Variants in DCAKD observed in about 807,000 individuals in gnomAD.
DCAKD encodes the protein dephospho-CoA kinase domain-containing protein.
Under a neutral mutation model 18.7 loss-of-function variants are expected in DCAKD, and 15 were observed. The observed-to-expected ratio is 0.80, with a 90% confidence interval of 0.54 to 1.24. The LOEUF (loss-of-function observed/expected upper bound fraction) is 1.24, where lower values mean the gene tolerates loss of function less well. Among genes scored for constraint, DCAKD ranks in the 50% most tolerant of loss-of-function variants. DCAKD has a pLI of 0.00. For missense variants in DCAKD, 301 were observed against 322.0 expected, an observed-to-expected ratio of 0.93 and a Z score of 0.50; for synonymous variants, 130 against 133.0, an observed-to-expected ratio of 0.98 and a Z score of 0.16.
At chr17:45,046,419 C>T (rs991650714) in intron 1 of DCAKD, among the ~76,000 whole-genome samples, 2 of 152,004 alleles carry the variant, frequency 1.3e-5, no homozygotes, top group Non-Finnish European at 2.9e-5. Context: ...AATTTGAGAC[C>T]AGCCTGGCCA....
At chr17:45,043,880 A>T (rs1175083256) in intron 1 of DCAKD, among the ~76,000 whole-genome samples, 1 of 151,702 alleles carries the variant, frequency 6.6e-6, no homozygotes, top group Non-Finnish European at 1.5e-5. Flanking sequence ...CACACCCTCC[A>T]TCCAACCCGC....
chr17:45,034,680 TC>T, intron 2 of DCAKD, 93 bp downstream of exon 2: 2 of 1,347,180 alleles, frequency 1.5e-6, no homozygotes, highest in Non-Finnish European at 2.1e-6. Context: ...AGCCTTCCCC[TC>T]CTCTGAGACT....
upstream of DCAKD, among the ~76,000 whole-genome samples, chr17:45,053,660 T>C (rs970768239): frequency 6.6e-6 from 1 of 152,200 alleles, no homozygotes; most frequent in African/African-American, 2.4e-5. Flanking sequence ...ACCTAGGTGA[T>C]CCACCCACCT....
chr17:45,053,417 C>T (rs561198247), upstream of DCAKD, among the ~76,000 whole-genome samples: 5 of 148,788 alleles, frequency 3.4e-5, no homozygotes, highest in African/African-American at 1.2e-4. Flanking sequence ...GCCACCACAT[C>T]CAGCTAATTT....
At chr17:45,027,281 A>G (rs1169531822) in intron 4 of DCAKD, among the ~76,000 whole-genome samples, 1 of 152,244 alleles carries the variant, frequency 6.6e-6, no homozygotes. Context: ...TTGAGGCTAT[A>G]GTTAGCTGTG....
At chr17:45,024,877 C>G (rs1022753397) in intron 4 of DCAKD, among the ~76,000 whole-genome samples, 153 bp from the exon 5 acceptor site, 2 of 152,170 alleles carry the variant, frequency 1.3e-5, no homozygotes, top group Non-Finnish European at 2.9e-5. Context: ...CTTAGGGTCC[C>G]ACAGCCAGGG....
intron 4 of DCAKD, among the ~76,000 whole-genome samples, chr17:45,028,106 T>A (rs1342684977): frequency 6.6e-6 from 1 of 150,916 alleles, no homozygotes; most frequent in Non-Finnish European, 1.5e-5. Flanking sequence ...ATCTACACTC[T>A]AAGATCCTTT....
At chr17:45,048,701 G>A (rs1261442641) in intron 1 of DCAKD, among the ~76,000 whole-genome samples, 1 of 151,970 alleles carries the variant, frequency 6.6e-6, no homozygotes, top group African/African-American at 2.4e-5. Flanking sequence ...AGCTACTCAG[G>A]AGGCTGAGGC....
chr17:45,037,803 G>T (rs1371165740), intron 1 of DCAKD, among the ~76,000 whole-genome samples: 2 of 137,062 alleles, frequency 1.5e-5, no homozygotes, highest in African/African-American at 2.8e-5. Context: ...GTCTCACTCT[G>T]TTGCCCAGGC....
intron 1 of DCAKD, among the ~76,000 whole-genome samples, chr17:45,045,600 C>T (rs181215828): frequency 7.5e-4 from 114 of 151,416 alleles, no homozygotes; most frequent in African/African-American, 2.5e-3. Flanking sequence ...GGCGTGGTGG[C>T]GTGTGCCTGT....
exon 1 of DCAKD, chr17:45,061,101 T>C: frequency 1.5e-6 from 2 of 1,321,246 alleles, no homozygotes; most frequent in South Asian, 1.8e-5. Context: ...CCTCAAAGCG[T>C]GGCCGAATGC....
At chr17:45,041,667 C>T (rs1346079335) in intron 1 of DCAKD, among the ~76,000 whole-genome samples, 1 of 152,152 alleles carries the variant, frequency 6.6e-6, no homozygotes, top group Non-Finnish European at 1.5e-5. Context: ...CTGCCAGACT[C>T]ACCTCAGGGC....
chr17:45,049,736 T>TG (rs2053650351), intron 1 of DCAKD, among the ~76,000 whole-genome samples: 1 of 127,592 alleles, frequency 7.8e-6, no homozygotes, highest in African/African-American at 3.2e-5. Flanking sequence ...TTTTTTTTTT[T>TG]GAAACAGAGT....
chr17:45,040,127 C>A lies in DCAKD; in HGVS notation c.-114-5128G>T, dbSNP rs2053398305. Among the ~76,000 whole-genome samples, 4 of 149,704 alleles carry A rather than the reference C, an allele frequency of 2.7e-5. No homozygotes were observed. In the South Asian group the frequency reaches 8.4e-4, roughly 31 times the overall value. Reference sequence around the variant, plus strand: ...AAAAGGCCGGGTGTGGTGGCTCATGCCTGTAATCCCAGCACTTTGGGAGGC... The same window carrying A: ...AAAAGGCCGGGTGTGGTGGCTCATGACTGTAATCCCAGCACTTTGGGAGGC... On this transcript the variant is annotated intron_variant, in intron 1 of 4. Transcript: ENST00000651974.
At chr17:45,043,846 C>A (rs1363424977) in intron 1 of DCAKD, among the ~76,000 whole-genome samples, 1 of 152,024 alleles carries the variant, frequency 6.6e-6, no homozygotes, top group African/African-American at 2.4e-5. Flanking sequence ...AGGCCAAAAG[C>A]CTCGGAATCC....
intron 1 of DCAKD, among the ~76,000 whole-genome samples, chr17:45,059,082 T>C (rs2053820066): frequency 6.6e-6 from 1 of 151,754 alleles, no homozygotes; most frequent in African/African-American, 2.4e-5. Context: ...CTACTAAAAA[T>C]ACAAAAAATT....
At chr17:45,043,697 A>C (rs904318358) in intron 1 of DCAKD, among the ~76,000 whole-genome samples, 1 of 152,164 alleles carries the variant, frequency 6.6e-6, no homozygotes, top group Non-Finnish European at 1.5e-5. Context: ...CTACTCACGA[A>C]GCTGGACTTG....
chr17:45,043,963 G>T (rs568635463), intron 1 of DCAKD, among the ~76,000 whole-genome samples: 1 of 152,076 alleles, frequency 6.6e-6, no homozygotes, highest in Non-Finnish European at 1.5e-5. Context: ...CCACCATGTC[G>T]CTGCGGAAGC....
intron 1 of DCAKD, among the ~76,000 whole-genome samples, chr17:45,060,102 T>TCAAAACAAAA (rs372398471): frequency 6.6e-6 from 1 of 151,988 alleles, no homozygotes; most frequent in Admixed American, 6.6e-5. Context: ...AGACTCCGTC[T>TCAAAACAAAA]CAAAACAAAA....
Sources: allele counts gnomAD v4.1 joint callset (sites outside exome capture counted in the v4.1 genomes callset), GRCh38; gene constraint gnomAD v4.1.1; transcripts MANE v1.5; gene names NCBI Gene and HGNC (gene_info 2026-07-23, HGNC 2026-07-21).